The following CFAP299 variants were observed in gnomAD, a reference collection of about 807,000 sequenced individuals.
CFAP299 encodes cilia- and flagella-associated protein 299.
CFAP299 carries 21 observed loss-of-function variants against 27.0 expected under a neutral mutation model. The ratio of observed to expected loss-of-function variants is 0.78; its 90% CI spans 0.55 to 1.12. CFAP299 has a LOEUF of 1.12. Among genes scored for constraint, CFAP299 ranks in the 50% most tolerant of loss-of-function variants. CFAP299 has a pLI of 0.00. For synonymous variants in CFAP299, 104 were observed against 98.1 expected (o/e 1.06, Z -0.36); for missense variants, 310 against 276.6 (o/e 1.12, Z -0.86).
chr4:80,619,077 T>G (rs1207005007), intron 3 of CFAP299, among the ~76,000 whole-genome samples: 2 of 152,162 alleles, frequency 1.3e-5, no homozygotes, highest in African/African-American at 2.4e-5. Context: ...ATATTTTATT[T>G]TGTTAGATGG....
rs913172880 is a variant in CFAP299, at chr4:80,380,758, C to A, written c.242+17874C>A. On this transcript the variant is annotated intron_variant, in intron 2 of 5. Transcript: ENST00000358105. ...TTTTGTTCTTACTTCAGCTGTCTGCCTAAATTTTATTTATTCATTCAGTAA... is the reference window on the plus strand; with the variant it reads ...TTTTGTTCTTACTTCAGCTGTCTGCATAAATTTTATTTATTCATTCAGTAA... Among the ~76,000 whole-genome samples the A allele has an allele frequency of 4.6e-5, 7 of 152,166 alleles. No individual in the cohort carries two copies. The East Asian group carries it at 1.4e-3, about 29-fold the overall frequency.
intron 4 of CFAP299, among the ~76,000 whole-genome samples, chr4:80,910,857 G>C (rs1735433582): frequency 6.6e-6 from 1 of 152,020 alleles, no homozygotes; most frequent in African/African-American, 2.4e-5. Flanking sequence ...AAACAGAATA[G>C]TCTTGGAAGT....
intron 3 of CFAP299, among the ~76,000 whole-genome samples, chr4:80,802,305 C>G (rs1379812059): frequency 6.6e-6 from 1 of 151,966 alleles, no homozygotes; most frequent in Non-Finnish European, 1.5e-5. Context: ...TGAGGCCTGG[C>G]TTTACTCAAA....
the CFAP299 span, among the ~76,000 whole-genome samples, chr4:80,323,800 T>C: frequency 6.6e-6 from 1 of 152,190 alleles, no homozygotes; most frequent in Non-Finnish European, 1.5e-5. Flanking sequence ...CTTATATTTT[T>C]AGTCTGTTTT....
intron 4 of CFAP299, among the ~76,000 whole-genome samples, chr4:80,900,409 G>A (rs1258575587): frequency 6.6e-6 from 1 of 152,046 alleles, no homozygotes; most frequent in African/African-American, 2.4e-5. Context: ...TATATCTCAT[G>A]TTTAAAGAAC....
intron 5 of CFAP299, among the ~76,000 whole-genome samples, chr4:80,956,833 CT>C (rs1365340368): frequency 1.2e-4 from 19 of 152,062 alleles, no homozygotes; most frequent in African/African-American, 4.6e-4. Context: ...TTAAAGTATT[CT>C]ATGTGTAGAG....
chr4:80,562,305 A>G lies in CFAP299; in HGVS notation c.243-20788A>G, dbSNP rs914540339. ...CAGGAATAAGTCCTTACGTATCAATAATAACATTGAGGCTGGGCACCATGG... is the reference window on the plus strand; with the variant it reads ...CAGGAATAAGTCCTTACGTATCAATGATAACATTGAGGCTGGGCACCATGG... On this transcript the variant is annotated intron_variant, in intron 2 of 5. Coordinates refer to ENST00000358105, the MANE Select transcript of CFAP299 (RefSeq NM_152770.3). Among the ~76,000 whole-genome samples the G allele has an allele frequency of 3.9e-5, 6 of 151,996 alleles. No homozygotes were observed. The East Asian group carries it at 1.2e-3, about 29-fold the overall frequency.
chr4:80,581,757 C>T (rs1736187447), intron 2 of CFAP299, among the ~76,000 whole-genome samples: 3 of 151,572 alleles, frequency 2.0e-5, no homozygotes. Context: ...GTGATAGTCC[C>T]TTAATTAATC....
chr4:80,357,000 G>A (rs913314872), intron 1 of CFAP299, among the ~76,000 whole-genome samples: 5 of 151,994 alleles, frequency 3.3e-5, no homozygotes, highest in Admixed American at 1.3e-4. Context: ...ATTGTTTCAA[G>A]GTATGTTCCT....
At chr4:80,609,928 T>C (rs942618943) in intron 3 of CFAP299, among the ~76,000 whole-genome samples, 1 of 152,130 alleles carries the variant, frequency 6.6e-6, no homozygotes, top group African/African-American at 2.4e-5. Context: ...TTCTAGACTA[T>C]GTTTGAACCA....
Position 80,624,725 on chromosome 4 carries a change from A to T in CFAP299, c.333+41542A>T, listed in dbSNP as rs1738793066. Among the ~76,000 whole-genome samples the T allele has an allele frequency of 2.0e-5, 3 of 152,040 alleles. No homozygotes were observed. The South Asian group carries it at 6.2e-4, about 31-fold the overall frequency. On this transcript the variant is annotated intron_variant, in intron 3 of 5. Transcript: ENST00000358105. ...AAAATCAATGAGGAGAGGATTTTTAAAAAAACAGCAAGAGAAAAGAAGAAA... is the reference window on the plus strand; with the variant it reads ...AAAATCAATGAGGAGAGGATTTTTATAAAAACAGCAAGAGAAAAGAAGAAA...
chr4:80,504,512 T>A lies in CFAP299; in HGVS notation c.243-78581T>A, dbSNP rs1167811857. Among the ~76,000 whole-genome samples, 9 of 131,260 alleles carry A rather than the reference T, an allele frequency of 6.9e-5. No individual in the cohort carries two copies. In the Admixed American group the frequency reaches 7.1e-4, roughly 10 times the overall value. 86.1% of individuals were successfully genotyped at this position (131,260 alleles called of 152,430 possible). A position where few individuals can be genotyped will look rare whatever the true frequency, so the allele number is the denominator to read the frequency against. On this transcript the variant is annotated intron_variant, in intron 2 of 5. Coordinates refer to ENST00000358105, the MANE Select transcript of CFAP299 (RefSeq NM_152770.3). ...ATATATATATATATATATATTTTCCTTTGAAAGAATGCAATGAATTCTTTT... is the reference window on the plus strand; with the variant it reads ...ATATATATATATATATATATTTTCCATTGAAAGAATGCAATGAATTCTTTT...
chr4:80,807,871 AT>A (rs1301482633), intron 3 of CFAP299, among the ~76,000 whole-genome samples: 2 of 152,114 alleles, frequency 1.3e-5, no homozygotes, highest in African/African-American at 4.8e-5. Context: ...GTGTGTCATA[AT>A]TAAAGGGCAG....
intron 3 of CFAP299, among the ~76,000 whole-genome samples, chr4:80,616,631 G>T (rs575345108): frequency 4.6e-5 from 7 of 151,890 alleles, no homozygotes; most frequent in African/African-American, 1.4e-4. Context: ...ACTTCATTAC[G>T]TGCTTTCCTG....
chr4:80,667,045 G>C (rs1397404411), intron 3 of CFAP299, among the ~76,000 whole-genome samples: 1 of 152,124 alleles, frequency 6.6e-6, no homozygotes, highest in South Asian at 2.1e-4. Flanking sequence ...AGGTTTTGCT[G>C]TTTTTAACTG....
At chr4:80,691,962 A>C (rs1720735429) in intron 3 of CFAP299, among the ~76,000 whole-genome samples, 1 of 152,102 alleles carries the variant, frequency 6.6e-6, no homozygotes, top group African/African-American at 2.4e-5. Context: ...AAAGAGAATA[A>C]AATACCTAGG....
chr4:80,676,414 G>A (rs1262190288), intron 3 of CFAP299, among the ~76,000 whole-genome samples: 1 of 152,100 alleles, frequency 6.6e-6, no homozygotes, highest in Non-Finnish European at 1.5e-5. Flanking sequence ...ATGGCCTGTA[G>A]TTTTATTTTT....
chr4:80,660,531 A>G (rs1377255378), intron 3 of CFAP299, among the ~76,000 whole-genome samples: 1 of 152,202 alleles, frequency 6.6e-6, no homozygotes, highest in African/African-American at 2.4e-5. Flanking sequence ...GTGTTTGCAG[A>G]TCAAATGAGA....
At chr4:80,901,325 G>T (rs1734882131) in intron 4 of CFAP299, among the ~76,000 whole-genome samples, 4 of 152,084 alleles carry the variant, frequency 2.6e-5, no homozygotes, top group African/African-American at 7.2e-5. Context: ...GTATCAACAG[G>T]ATTGTTTTTC....
Sources: gnomAD v4.1 joint callset for allele counts (sites outside exome capture counted in the v4.1 genomes callset) on GRCh38, gnomAD v4.1.1 for gene constraint, MANE v1.5 for transcripts, NCBI Gene and HGNC (gene_info 2026-07-23, HGNC 2026-07-21) for gene names.